VAV3: variants seen among roughly 807,000 people sequenced by gnomAD.
VAV3 encodes the protein guanine nucleotide exchange factor VAV3.
VAV3 carries 94 observed loss-of-function variants against 131.2 expected under a neutral mutation model. The ratio of observed to expected loss-of-function variants is 0.72; its 90% CI spans 0.61 to 0.85. The LOEUF (loss-of-function observed/expected upper bound fraction) is 0.85. VAV3 is among the 40% of genes least tolerant of loss of function. VAV3 has a pLI of 0.00. For missense variants in VAV3, 939 were observed against 1,002.7 expected, an observed-to-expected ratio of 0.94 and a Z score of 0.86; for synonymous variants, 349 against 342.0, an observed-to-expected ratio of 1.02 and a Z score of -0.22.
intron 1 of VAV3, among the ~76,000 whole-genome samples, chr1:107,923,617 CCTT>C (rs1673022150): frequency 6.6e-6 from 1 of 151,990 alleles, no homozygotes; most frequent in Non-Finnish European, 1.5e-5. Context: ...AAAGCAAAAA[CCTT>C]CTTTACATGG....
chr1:107,630,348 A>AGGACGGAT (rs1553178113), intron 20 of VAV3, among the ~76,000 whole-genome samples: 27 of 150,796 alleles, frequency 1.8e-4, no homozygotes, highest in Middle Eastern at 3.4e-3. Context: ...AATGGATGGG[A>AGGACGGAT]GGATGGATGG....
intron 2 of VAV3, among the ~76,000 whole-genome samples, chr1:107,856,208 C>T (rs1669460115): frequency 6.6e-6 from 1 of 152,150 alleles, no homozygotes; most frequent in Admixed American, 6.6e-5. Flanking sequence ...AGGAGAGACA[C>T]TGAAGGAAGG....
chr1:107,611,608 ACAAAC>A (rs1557702334), intron 21 of VAV3, among the ~76,000 whole-genome samples: 5 of 141,902 alleles, frequency 3.5e-5, no homozygotes, highest in Middle Eastern at 3.6e-3. Flanking sequence ...AAAAAAAAAA[ACAAAC>A]AAACAAACAA....
intron 2 of VAV3, among the ~76,000 whole-genome samples, chr1:107,874,122 A>G (rs1429042733): frequency 6.6e-6 from 1 of 152,156 alleles, no homozygotes; most frequent in South Asian, 2.1e-4. Flanking sequence ...GCTTATTTTC[A>G]TAATGCAATT....
intron 4 of VAV3, among the ~76,000 whole-genome samples, chr1:107,776,424 T>A (rs926791149): frequency 2.6e-5 from 4 of 152,196 alleles, no homozygotes; most frequent in African/African-American, 9.7e-5. Flanking sequence ...GTGGCAATTT[T>A]AGACAGGATA....
At chr1:107,736,610 A>T (rs373955513) in intron 15 of VAV3, among the ~76,000 whole-genome samples, 10 of 151,464 alleles carry the variant, frequency 6.6e-5, no homozygotes, top group East Asian at 3.9e-4. Context: ...CACAATTGCT[A>T]CAAAGAGAAT....
At chr1:107,879,697 A>T (rs1670675205) in intron 1 of VAV3, among the ~76,000 whole-genome samples, 1 of 107,084 alleles carries the variant, frequency 9.3e-6, no homozygotes, top group Non-Finnish European at 1.9e-5. Flanking sequence ...TTTCATAACC[A>T]TACCTATTTT....
At chr1:107,757,459 G>T in intron 10 of VAV3, 130 bp from the exon 11 acceptor site, 1 of 784,626 alleles carries the variant, frequency 1.3e-6, no homozygotes, top group Non-Finnish European at 1.9e-6. Flanking sequence ...AATATGTCTG[G>T]GCTCCATTTC....
chr1:107,882,135 T>C (rs1670811705), intron 1 of VAV3, among the ~76,000 whole-genome samples: 1 of 152,166 alleles, frequency 6.6e-6, no homozygotes, highest in Admixed American at 6.5e-5. Flanking sequence ...CTACAGCTTA[T>C]TGTGAGATGA....
chr1:107,652,703 T>C (rs1254393064), intron 19 of VAV3, among the ~76,000 whole-genome samples: 1 of 152,184 alleles, frequency 6.6e-6, no homozygotes, highest in Non-Finnish European at 1.5e-5. Context: ...ATGATACAAA[T>C]ATTCAGTTAT....
intron 2 of VAV3, among the ~76,000 whole-genome samples, chr1:107,855,715 C>A (rs1423677673): frequency 6.6e-6 from 1 of 152,122 alleles, no homozygotes; most frequent in Non-Finnish European, 1.5e-5. Context: ...CACAATAAAT[C>A]TAATAGTATG....
At chr1:107,719,157 C>T (rs934065480) in intron 15 of VAV3, among the ~76,000 whole-genome samples, 2 of 152,202 alleles carry the variant, frequency 1.3e-5, no homozygotes, top group Non-Finnish European at 2.9e-5. Context: ...GCAAGGACTT[C>T]ATGACTAAAA....
chr1:107,596,951 A>G (rs1479161952), intron 24 of VAV3, among the ~76,000 whole-genome samples: 2 of 152,200 alleles, frequency 1.3e-5, no homozygotes, highest in Admixed American at 6.5e-5. Flanking sequence ...TTTGTCTTAA[A>G]TACATCTAAA....
chr1:107,960,002 C>A (rs746128357), intron 1 of VAV3, among the ~76,000 whole-genome samples: 2 of 152,190 alleles, frequency 1.3e-5, no homozygotes, highest in Non-Finnish European at 2.9e-5. Flanking sequence ...TAAACCCCTG[C>A]TGGCTCCATC....
intron 1 of VAV3, among the ~76,000 whole-genome samples, chr1:107,916,321 T>C (rs1316069161): frequency 2.0e-5 from 3 of 152,220 alleles, no homozygotes; most frequent in African/African-American, 7.2e-5. Context: ...AAAATATGAA[T>C]TACTACAATC....
intron 1 of VAV3, among the ~76,000 whole-genome samples, chr1:107,914,428 G>C (rs569481932): frequency 6.6e-6 from 1 of 152,304 alleles, no homozygotes; most frequent in South Asian, 2.1e-4. Context: ...CCTAGCTTCA[G>C]CCATGTGATT....
At chr1:107,843,551 TTA>T (rs141323283) in intron 2 of VAV3, among the ~76,000 whole-genome samples, 2,782 of 145,892 alleles carry the variant, frequency 0.019, 73 homozygotes, top group African/African-American at 0.056. Context: ...ATATATATAT[TTA>T]TATATATATA....
rs1228837177 is a variant in VAV3 at position 107,602,440 on chromosome 1, C to T, written c.2177G>A (p.Gly726Asp). The T allele has an allele frequency of 1.3e-6, 2 of 1,573,670 alleles. No individual in the cohort carries two copies. Among genetic ancestry groups the T allele is most frequent in the African/African-American group, 1.4e-5 (1 of 71,574 alleles). Residue 726 changes from glycine to aspartate, a missense_variant, in exon 24 of 27, where the codon GGC (glycine) becomes GAC (aspartate). Transcript: ENST00000370056. ...AKHIKILTRD[G>D]FFHIAENRKF... is the part of the protein sequence containing the mutation. ...TCTATTTTCTGCAATGTGAAAAAAG[C>T]CATCTCTTGTTAAAATCTTGATGTG...
chr1:107,631,848 C>G (rs904632363), intron 20 of VAV3, among the ~76,000 whole-genome samples: 2 of 151,970 alleles, frequency 1.3e-5, no homozygotes, highest in African/African-American at 2.4e-5. Context: ...TGGTGTATAT[C>G]TGCCACATTT....
Sources: allele counts gnomAD v4.1 joint callset (sites outside exome capture counted in the v4.1 genomes callset), GRCh38; gene constraint gnomAD v4.1.1; transcripts MANE v1.5; gene names NCBI Gene and HGNC (gene_info 2026-07-23, HGNC 2026-07-21).